TNPO1: variants seen among roughly 807,000 people sequenced by gnomAD.
The protein encoded by TNPO1 is transportin-1.
In TNPO1, 8 loss-of-function variants were observed where a neutral mutation model predicts 119.5. The observed-to-expected ratio is 0.07, with a 90% confidence interval of 0.04 to 0.12. TNPO1 has a LOEUF of 0.12. TNPO1 is among the 10% of genes least tolerant of loss of function. The probability of loss-of-function intolerance (pLI) is 1.00; values close to 1 mark genes in which losing one functional copy is unlikely to be tolerated. For synonymous variants in TNPO1, 362 were observed against 363.0 expected, an observed-to-expected ratio of 1.00 and a Z score of 0.03; for missense variants, 576 against 1,089.8, an observed-to-expected ratio of 0.53 and a Z score of 6.64.
intron 1 of TNPO1, among the ~76,000 whole-genome samples, chr5:72,841,844 AT>A (rs1015098769): frequency 1.3e-5 from 2 of 150,982 alleles, no homozygotes; most frequent in Non-Finnish European, 2.9e-5. Flanking sequence ...GATAGCTCTG[AT>A]TTTTTTTCTC....
intron 8 of TNPO1, among the ~76,000 whole-genome samples, chr5:72,876,466 G>A (rs1370929541): frequency 6.6e-6 from 1 of 152,084 alleles, no homozygotes; most frequent in Non-Finnish European, 1.5e-5. Context: ...AATTATATTC[G>A]CACTAAGAGA....
chr5:72,904,058 T>C (rs944246413), intron 23 of TNPO1, among the ~76,000 whole-genome samples: 1 of 152,202 alleles, frequency 6.6e-6, no homozygotes, highest in African/African-American at 2.4e-5. Flanking sequence ...GAAAATAGTA[T>C]ATGTTTTTCA....
intron 23 of TNPO1, among the ~76,000 whole-genome samples, chr5:72,904,623 C>T (rs1263876831): frequency 1.3e-5 from 2 of 152,138 alleles, no homozygotes; most frequent in East Asian, 3.9e-4. Context: ...TGGTGAAACG[C>T]CATCTCTACT....
Position 72,868,431 on chromosome 5 carries a change from CAAAAAAAAAAAAAAA to C in TNPO1, c.596+2716_596+2730del, listed in dbSNP as rs200691585. Among the ~76,000 whole-genome samples, 12 of 27,070 alleles carry C rather than the reference CAAAAAAAAAAAAAAA, an allele frequency of 4.4e-4. 1 individual carries two copies. Among genetic ancestry groups the C allele is most frequent in the Middle Eastern group, 0.056 (1 of 18 alleles). 17.8% of individuals were successfully genotyped at this position (27,070 alleles called of 152,430 possible). On this transcript the variant is annotated intron_variant, in intron 6 of 24. Coordinates refer to ENST00000337273, the MANE Select transcript of TNPO1 (RefSeq NM_002270.4). Reference sequence around the variant, plus strand: ...TGGATGACAGAGCAAGACTCCGTCTCAAAAAAAAAAAAAAAAAAAAAAAAAAAACACAAAATAATA... The same window carrying C: ...TGGATGACAGAGCAAGACTCCGTCTCAAAAAAAAAAAAACACAAAATAATA...
intron 9 of TNPO1, among the ~76,000 whole-genome samples, chr5:72,881,807 A>G (rs1237155347): frequency 6.6e-6 from 1 of 152,058 alleles, no homozygotes; most frequent in Non-Finnish European, 1.5e-5. Context: ...TATAGTATAA[A>G]TTTTTCTTAT....
chr5:72,881,571 G>C (rs1220586260), intron 9 of TNPO1, among the ~76,000 whole-genome samples: 1 of 152,216 alleles, frequency 6.6e-6, no homozygotes, highest in Non-Finnish European at 1.5e-5. Context: ...TCAACCGCAA[G>C]TGGTCTCTTC....
intron 6 of TNPO1, among the ~76,000 whole-genome samples, chr5:72,867,265 G>A (rs1484920865): frequency 6.6e-6 from 1 of 151,840 alleles, no homozygotes; most frequent in African/African-American, 2.4e-5. Context: ...TGTATATTTG[G>A]GTAATAACTA....
rs1173714612 is a variant in TNPO1 at position 72,913,596 on chromosome 5, A to C, written c.*4923A>C. ...GAAAAGCAGTTTTTCCTTTTATTGC[A>C]GTTTTTGTTTATCTGCCATAGAATT... On this transcript the variant is annotated 3_prime_UTR_variant, in exon 25 of 25. Coordinates refer to ENST00000337273, the MANE Select transcript of TNPO1 (RefSeq NM_002270.4). The C allele has an allele frequency of 6.6e-6, 1 of 152,400 alleles. No individual in the cohort carries two copies. Among genetic ancestry groups the C allele is most frequent in the African/African-American group, 2.4e-5 (1 of 41,414 alleles). 9.4% of individuals were successfully genotyped at this position (152,400 alleles called of 1,614,324 possible).
intron 1 of TNPO1, among the ~76,000 whole-genome samples, chr5:72,817,485 C>T (rs1055772059): frequency 6.6e-6 from 1 of 152,180 alleles, no homozygotes; most frequent in African/African-American, 2.4e-5. Flanking sequence ...TCGCGTGTTG[C>T]TTACTGATTT....
chr5:72,885,863 A>C (rs1748587322), intron 11 of TNPO1, among the ~76,000 whole-genome samples: 1 of 152,024 alleles, frequency 6.6e-6, no homozygotes, highest in Non-Finnish European at 1.5e-5. Context: ...TACTACTATA[A>C]CAGGATACCT....
chr5:72,899,548 A>G (rs1022779384), intron 20 of TNPO1, among the ~76,000 whole-genome samples: 1 of 152,198 alleles, frequency 6.6e-6, no homozygotes, highest in Non-Finnish European at 1.5e-5. Flanking sequence ...TTAGTTTGAG[A>G]TGCTTGAGAA....
At chr5:72,875,354 A>T (rs1438458022) in intron 7 of TNPO1, among the ~76,000 whole-genome samples, 1 of 152,248 alleles carries the variant, frequency 6.6e-6, no homozygotes, top group African/African-American at 2.4e-5. Flanking sequence ...TCCTAATGAC[A>T]TGGTTTCTTA....
intron 7 of TNPO1, 139 bp from the exon 8 acceptor site, chr5:72,875,476 G>A (rs1258427734): frequency 1.4e-6 from 1 of 710,394 alleles, no homozygotes; most frequent in East Asian, 2.9e-5. Flanking sequence ...TTTAATTCTT[G>A]TAATCTAATA....
At chr5:72,881,215 A>G (rs1024953169) in intron 9 of TNPO1, among the ~76,000 whole-genome samples, 1 of 151,966 alleles carries the variant, frequency 6.6e-6, no homozygotes, top group Admixed American at 6.6e-5. Flanking sequence ...GGTTCAAGTG[A>G]TTCTCCTGCC....
intron 1 of TNPO1, among the ~76,000 whole-genome samples, chr5:72,842,591 C>G (rs1461903694): frequency 6.6e-6 from 1 of 152,190 alleles, no homozygotes; most frequent in Non-Finnish European, 1.5e-5. Context: ...TGAAACAGGA[C>G]TGCCCTTCCC....
At chr5:72,848,765 G>T (rs1032502282) in intron 2 of TNPO1, among the ~76,000 whole-genome samples, 6 of 147,600 alleles carry the variant, frequency 4.1e-5, no homozygotes, top group African/African-American at 1.5e-4. Flanking sequence ...AGGAGGCGGG[G>T]GCCCCCGGCC....
At chr5:72,908,534 G>A (rs1479463071) in intron 24 of TNPO1, among the ~76,000 whole-genome samples, 175 bp from the exon 25 acceptor site, 17 of 152,180 alleles carry the variant, frequency 1.1e-4, no homozygotes, top group Non-Finnish European at 2.2e-4. Context: ...AGTGCCATAG[G>A]AGAAGGAAGC....
chr5:72,854,253 G>A (rs953411155), intron 3 of TNPO1, among the ~76,000 whole-genome samples: 20 of 152,282 alleles, frequency 1.3e-4, no homozygotes, highest in African/African-American at 4.8e-4. Context: ...ACGGAGTCTC[G>A]CAATGGGTTG....
chr5:72,857,444 G>C (rs1746090741), intron 4 of TNPO1, among the ~76,000 whole-genome samples: 1 of 152,170 alleles, frequency 6.6e-6, no homozygotes, highest in African/African-American at 2.4e-5. Flanking sequence ...CATTGACACT[G>C]ATTTTACATT....
Sources: gnomAD v4.1 joint callset for allele counts (sites outside exome capture counted in the v4.1 genomes callset) on GRCh38, gnomAD v4.1.1 for gene constraint, MANE v1.5 for transcripts, NCBI Gene and HGNC (gene_info 2026-07-23, HGNC 2026-07-21) for gene names.